The following ADAMTSL1 variants were observed in gnomAD, a reference collection of about 807,000 sequenced individuals.
The protein encoded by ADAMTSL1 is ADAMTS like 1.
In ADAMTSL1, 126 loss-of-function variants were observed where a neutral mutation model predicts 201.8. The ratio of observed to expected loss-of-function variants is 0.62; its 90% CI spans 0.54 to 0.72. The LOEUF (loss-of-function observed/expected upper bound fraction) is 0.72, where lower values mean the gene tolerates loss of function less well. ADAMTSL1 is among the 30% of genes least tolerant of loss of function. ADAMTSL1 has a pLI of 0.00. For synonymous variants in ADAMTSL1, 1,121 were observed against 903.4 expected (o/e 1.24, Z -4.32); for missense variants, 2,679 against 2,277.8 (o/e 1.18, Z -3.59).
At chr9:18,112,488 T>G (rs1455657122) in intron 1 of ADAMTSL1, among the ~76,000 whole-genome samples, 1 of 145,056 alleles carries the variant, frequency 6.9e-6, no homozygotes, top group African/African-American at 2.7e-5. Flanking sequence ...TTTTTTGGGT[T>G]TTTTTTTTTT....
At chr9:18,573,731 A>C (rs770730948) in intron 3 of ADAMTSL1, among the ~76,000 whole-genome samples, 2 of 152,224 alleles carry the variant, frequency 1.3e-5, no homozygotes, top group African/African-American at 2.4e-5. Context: ...TTCATGAACC[A>C]ATAGACAACT....
At chr9:18,521,001 C>T (rs1818658374) in intron 2 of ADAMTSL1, among the ~76,000 whole-genome samples, 1 of 152,106 alleles carries the variant, frequency 6.6e-6, no homozygotes. Flanking sequence ...ACCTCTGTTT[C>T]CGCCTTTCCA....
chr9:18,476,437 A>G (rs1821455920), intron 1 of ADAMTSL1, among the ~76,000 whole-genome samples: 1 of 152,172 alleles, frequency 6.6e-6, no homozygotes, highest in Admixed American at 6.5e-5. Context: ...CCTTTGTTGC[A>G]GATATTTAGG....
chr9:18,037,010 C>T (rs560893193), intron 1 of ADAMTSL1, among the ~76,000 whole-genome samples: 1 of 152,164 alleles, frequency 6.6e-6, no homozygotes, highest in Non-Finnish European at 1.5e-5. Flanking sequence ...TTTGTCCCCT[C>T]CCTTTTGGGG....
At position 18,713,100 on chromosome 9, in the gene ADAMTSL1, C is replaced by T. The variant is rs775966509; in HGVS notation, c.1876+6052C>T. On this transcript the variant is annotated intron_variant, in intron 14 of 28. Coordinates refer to ENST00000380548, the MANE Select transcript of ADAMTSL1 (RefSeq NM_001040272.6). ...GCCCTAAAAGAGCTCCTGAAGGAAG[C>T]GCTAAACATGGAAAGGAACAACCGG... Among the ~76,000 whole-genome samples the T allele has an allele frequency of 1.4e-3, 208 of 151,010 alleles. 1 individual carries two copies. The highest frequency in any genetic ancestry group is 4.5e-3 in the East Asian group (23 of 5,132).
intron 4 of ADAMTSL1, among the ~76,000 whole-genome samples, chr9:18,578,678 G>A (rs919065085): frequency 9.2e-5 from 14 of 152,126 alleles, no homozygotes; most frequent in African/African-American, 1.4e-4. Flanking sequence ...TTACTATGCC[G>A]CAATAAACAT....
At chr9:18,069,296 C>G (rs949269799) in intron 1 of ADAMTSL1, among the ~76,000 whole-genome samples, 15 of 151,950 alleles carry the variant, frequency 9.9e-5, no homozygotes, top group African/African-American at 3.6e-4. Flanking sequence ...CTTATTCCAC[C>G]TATTTTAGTT....
At chr9:18,544,076 G>A (rs1327957111) in intron 3 of ADAMTSL1, among the ~76,000 whole-genome samples, 1 of 152,056 alleles carries the variant, frequency 6.6e-6, no homozygotes, top group Non-Finnish European at 1.5e-5. Flanking sequence ...TTTGTGGTTT[G>A]GGGCAAGCTC....
intron 3 of ADAMTSL1, among the ~76,000 whole-genome samples, chr9:18,539,088 A>G (rs1273400158): frequency 6.6e-6 from 1 of 152,172 alleles, no homozygotes; most frequent in Non-Finnish European, 1.5e-5. Flanking sequence ...AAACTTTCCC[A>G]TACTCTAGTC....
At chr9:18,333,170 A>G (rs994287272) in intron 2 of ADAMTSL1, among the ~76,000 whole-genome samples, 1 of 152,078 alleles carries the variant, frequency 6.6e-6, no homozygotes, top group Non-Finnish European at 1.5e-5. Context: ...GTTGCCATGT[A>G]TTTATACCAA....
intron 2 of ADAMTSL1, among the ~76,000 whole-genome samples, chr9:18,348,281 G>C (rs1451204641): frequency 6.6e-6 from 1 of 152,172 alleles, no homozygotes; most frequent in Non-Finnish European, 1.5e-5. Context: ...AACAGATGGA[G>C]GGAGAGTCAC....
intron 1 of ADAMTSL1, among the ~76,000 whole-genome samples, chr9:18,090,014 T>C (rs1310730630): frequency 6.6e-6 from 1 of 152,244 alleles, no homozygotes; most frequent in Non-Finnish European, 1.5e-5. Flanking sequence ...TACAGTGTTT[T>C]AGCATTTGTT....
intron 1 of ADAMTSL1, among the ~76,000 whole-genome samples, chr9:18,062,497 T>C (rs536326891): frequency 1.6e-4 from 25 of 152,268 alleles, no homozygotes; most frequent in Non-Finnish European, 3.5e-4. Flanking sequence ...ATTTGGCAAA[T>C]ACTTACTAAA....
intron 1 of ADAMTSL1, among the ~76,000 whole-genome samples, chr9:18,022,451 T>G (rs1451915348): frequency 6.6e-6 from 1 of 152,154 alleles, no homozygotes; most frequent in Non-Finnish European, 1.5e-5. Context: ...TAGCTGGCTA[T>G]GGGAAGTGGG....
intron 4 of ADAMTSL1, among the ~76,000 whole-genome samples, chr9:18,612,991 T>A (rs920884047): frequency 1.3e-5 from 2 of 152,134 alleles, no homozygotes; most frequent in Non-Finnish European, 2.9e-5. Flanking sequence ...ACATCCAGCA[T>A]CTATAAGAAA....
intron 2 of ADAMTSL1, among the ~76,000 whole-genome samples, chr9:18,181,030 T>A (rs1009906500): frequency 6.6e-6 from 1 of 152,120 alleles, no homozygotes; most frequent in Admixed American, 6.5e-5. Context: ...AAACAAGCAA[T>A]GGGGAAAGGA....
At chr9:18,669,187 G>T (rs1244392921) in intron 9 of ADAMTSL1, among the ~76,000 whole-genome samples, 1 of 152,180 alleles carries the variant, frequency 6.6e-6, no homozygotes, top group East Asian at 1.9e-4. Flanking sequence ...ACATACCCAG[G>T]TTAGGCAAGC....
chr9:18,753,662 C>T (rs894128674), intron 16 of ADAMTSL1, among the ~76,000 whole-genome samples, 154 bp downstream of exon 16: 30 of 152,168 alleles, frequency 2.0e-4, no homozygotes, highest in Non-Finnish European at 4.3e-4. Flanking sequence ...ACCTGATTTA[C>T]ATCCAGATCT....
intron 21 of ADAMTSL1, among the ~76,000 whole-genome samples, chr9:18,820,627 C>T (rs569653572): frequency 1.1e-3 from 169 of 152,216 alleles, no homozygotes; most frequent in African/African-American, 3.9e-3. Flanking sequence ...TTACCTAGAC[C>T]AACTCACATG....
Sources: allele counts gnomAD v4.1 joint callset (sites outside exome capture counted in the v4.1 genomes callset), GRCh38; gene constraint gnomAD v4.1.1; transcripts MANE v1.5; gene names NCBI Gene and HGNC (gene_info 2026-07-23, HGNC 2026-07-21).